The following FBXL17 variants were observed in gnomAD, a reference collection of about 807,000 sequenced individuals.
The protein encoded by FBXL17 is F-box/LRR-repeat protein 17.
Under a neutral mutation model 66.2 loss-of-function variants are expected in FBXL17, and 22 were observed. The ratio of observed to expected loss-of-function variants is 0.33; its 90% confidence interval spans 0.24 to 0.47. The LOEUF (loss-of-function observed/expected upper bound fraction) is 0.47. Ranked by LOEUF, FBXL17 falls within the 20% of genes least tolerant of loss-of-function variation. The pLI, the probability that FBXL17 is intolerant of heterozygous loss-of-function variation, is 1.00. For missense variants in FBXL17, 878 were observed against 948.2 expected, an observed-to-expected ratio of 0.93 and a Z score of 0.97; for synonymous variants, 474 against 400.5, an observed-to-expected ratio of 1.18 and a Z score of -2.19.
intron 4 of FBXL17, among the ~76,000 whole-genome samples, chr5:108,228,564 A>C (rs1403079677): frequency 1.3e-5 from 2 of 152,214 alleles, no homozygotes; most frequent in African/African-American, 4.8e-5. Flanking sequence ...AAGATAATGC[A>C]TGTAAAATAT....
intron 6 of FBXL17, among the ~76,000 whole-genome samples, chr5:108,124,084 G>C (rs1294806506): frequency 1.3e-5 from 2 of 152,064 alleles, no homozygotes; most frequent in East Asian, 3.8e-4. Context: ...AACAAAATAA[G>C]AGAAGCATAT....
rs941316465 is a variant in FBXL17, at chr5:107,913,732, G to A, written c.1823-32553C>T. On this transcript the variant is annotated intron_variant, in intron 7 of 8. Coordinates refer to ENST00000542267, the MANE Select transcript of FBXL17 (RefSeq NM_001163315.3). Reference sequence around the variant, plus strand: ...AGAACAGCATTTGGGGCTTAGCTTCGTCAACAATATGAAAGAGATGCTATC... The same window carrying A: ...AGAACAGCATTTGGGGCTTAGCTTCATCAACAATATGAAAGAGATGCTATC... Among the ~76,000 whole-genome samples the A allele has an allele frequency of 3.3e-5, 5 of 152,170 alleles. No homozygotes were observed. In the East Asian group the frequency reaches 5.8e-4, roughly 18 times the overall value.
chr5:108,374,441 G>A (rs992480954), intron 1 of FBXL17, among the ~76,000 whole-genome samples: 6 of 152,122 alleles, frequency 3.9e-5, no homozygotes, highest in Admixed American at 3.3e-4. Context: ...GGAGGCCGAG[G>A]GAGGCAGATC....
chr5:108,030,402 A>C (rs767352684), intron 6 of FBXL17, among the ~76,000 whole-genome samples: 10 of 152,142 alleles, frequency 6.6e-5, no homozygotes, highest in Non-Finnish European at 1.3e-4. Context: ...GAGAAAGGAG[A>C]AGGCACATTT....
intron 5 of FBXL17, among the ~76,000 whole-genome samples, chr5:108,202,682 G>A (rs1753945653): frequency 6.6e-6 from 1 of 152,146 alleles, no homozygotes; most frequent in African/African-American, 2.4e-5. Flanking sequence ...GCCCTGGCAG[G>A]AGGGAGTGGG....
intron 7 of FBXL17, among the ~76,000 whole-genome samples, chr5:107,935,407 A>ATGTGTGTGTGTGTG (rs1180619112): frequency 1.9e-4 from 6 of 31,154 alleles, no homozygotes; most frequent in African/African-American, 7.3e-4. Context: ...CTTTATATAT[A>ATGTGTGTGTGTGTG]TATATGTGTG....
intron 4 of FBXL17, among the ~76,000 whole-genome samples, chr5:108,233,178 A>G (rs2150088703): frequency 6.7e-6 from 1 of 148,254 alleles, no homozygotes; most frequent in South Asian, 2.1e-4. Flanking sequence ...TTGTTTCACA[A>G]TTGTTTTTTT....
In FBXL17 at chr5:108,279,161, C is replaced by CA. The variant is rs557283141; in HGVS notation, c.1507-54934dup. 3.9e-3 allele frequency among the ~76,000 whole-genome samples: 591 copies of CA among 152,274 alleles called. 5 individuals carry two copies. Among genetic ancestry groups the CA allele is most frequent in the African/African-American group, 0.014 (570 of 41,554 alleles). ...ATCAACAATGCCATGTCAGCCAACT[C>CA]AGAGACTCGTGAGCTGCTTCACCTG... On this transcript the variant is annotated intron_variant, in intron 4 of 8. Coordinates refer to ENST00000542267, the MANE Select transcript of FBXL17 (RefSeq NM_001163315.3).
intron 4 of FBXL17, among the ~76,000 whole-genome samples, chr5:108,226,776 GCT>G (rs1459270216): frequency 3.3e-5 from 5 of 152,160 alleles, no homozygotes; most frequent in African/African-American, 1.2e-4. Context: ...GAGAATTGGT[GCT>G]CTCTCTGCCT....
At chr5:107,945,630 G>A (rs966857961) in intron 7 of FBXL17, among the ~76,000 whole-genome samples, 11 of 152,090 alleles carry the variant, frequency 7.2e-5, no homozygotes, top group African/African-American at 2.4e-5. Flanking sequence ...GCAGAAGAAT[G>A]TACACATACA....
intron 6 of FBXL17, among the ~76,000 whole-genome samples, chr5:108,055,305 AAAAAAAAAGAAAAAC>A (rs1747652721): frequency 3.3e-5 from 1 of 30,582 alleles, no homozygotes; most frequent in African/African-American, 1.7e-4. Flanking sequence ...AAAAAAAAAA[AAAAAAAAAGAAAAAC>A]GCTTCAGGCC....
chr5:108,022,497 T>C (rs1329006785), intron 6 of FBXL17, among the ~76,000 whole-genome samples: 1 of 151,990 alleles, frequency 6.6e-6, no homozygotes, highest in Non-Finnish European at 1.5e-5. Context: ...AAAAATAATC[T>C]GACGGCTTTC....
At chr5:108,190,303 G>A (rs1187300724) in intron 5 of FBXL17, among the ~76,000 whole-genome samples, 3 of 152,142 alleles carry the variant, frequency 2.0e-5, no homozygotes, top group Non-Finnish European at 4.4e-5. Context: ...CTTGTCTTCA[G>A]CTTCCAAGAA....
At chr5:108,281,931 A>G (rs1757717616) in intron 4 of FBXL17, among the ~76,000 whole-genome samples, 1 of 151,830 alleles carries the variant, frequency 6.6e-6, no homozygotes, top group African/African-American at 2.4e-5. Context: ...AAATGCTTGG[A>G]AACATATAGC....
intron 4 of FBXL17, among the ~76,000 whole-genome samples, chr5:108,246,411 G>T (rs116139956): frequency 6.6e-6 from 1 of 152,132 alleles, no homozygotes; most frequent in Non-Finnish European, 1.5e-5. Flanking sequence ...CAGGTGCTTG[G>T]GAGTCTGAGG....
intron 1 of FBXL17, among the ~76,000 whole-genome samples, chr5:108,378,326 GTTTT>G (rs1004262061): frequency 5.8e-4 from 58 of 100,672 alleles, no homozygotes; most frequent in African/African-American, 1.8e-3. Flanking sequence ...CCTCGTTTTT[GTTTT>G]TTGTTTTTTT....
At chr5:108,203,826 G>A (rs1753999499) in intron 5 of FBXL17, among the ~76,000 whole-genome samples, 1 of 152,086 alleles carries the variant, frequency 6.6e-6, no homozygotes, top group Admixed American at 6.6e-5. Context: ...AAAAAAAGGA[G>A]GATGAAAATT....
chr5:108,060,718 T>TC (rs1175147763), intron 6 of FBXL17, among the ~76,000 whole-genome samples: 1 of 151,590 alleles, frequency 6.6e-6, no homozygotes, highest in Non-Finnish European at 1.5e-5. Context: ...TCTCATTCCA[T>TC]CCCCCCCTCC....
chr5:108,105,620 CTCTTAATTATT>C (rs1749765281), intron 6 of FBXL17, among the ~76,000 whole-genome samples: 1 of 152,198 alleles, frequency 6.6e-6, no homozygotes, highest in Non-Finnish European at 1.5e-5. Flanking sequence ...ATATAGTCAT[CTCTTAATTATT>C]CATGTATGTC....
Sources: allele counts gnomAD v4.1 joint callset (sites outside exome capture counted in the v4.1 genomes callset), GRCh38; gene constraint gnomAD v4.1.1; transcripts MANE v1.5; gene names NCBI Gene and HGNC (gene_info 2026-07-23, HGNC 2026-07-21).